The following ACO1 variants were observed in gnomAD, a reference collection of about 807,000 sequenced individuals.
ACO1 encodes aconitase 1.
In ACO1, 78 loss-of-function variants were observed where a neutral mutation model predicts 105.1. The ratio of observed to expected loss-of-function variants is 0.74; its 90% CI spans 0.62 to 0.90. ACO1 has a LOEUF of 0.90. Among genes scored for constraint, ACO1 ranks in the 40% least tolerant of loss-of-function variants. The probability of loss-of-function intolerance (pLI) is 0.00; values close to 1 mark genes in which losing one functional copy is unlikely to be tolerated. For synonymous variants in ACO1, 364 were observed against 397.4 expected (o/e 0.92, Z 1.00); for missense variants, 965 against 1,111.1 (o/e 0.87, Z 1.87).
chr9:32,416,800 C>T (rs1229844174), intron 4 of ACO1, among the ~76,000 whole-genome samples: 3 of 152,206 alleles, frequency 2.0e-5, no homozygotes, highest in African/African-American at 7.2e-5. Flanking sequence ...GCTCAGATAA[C>T]AGCACTGTGT....
At chr9:32,412,162 T>A (rs890012266) in intron 4 of ACO1, among the ~76,000 whole-genome samples, 1 of 152,234 alleles carries the variant, frequency 6.6e-6, no homozygotes, top group Non-Finnish European at 1.5e-5. Context: ...AATTACGGTA[T>A]ACCCCTGAAG....
At chr9:32,402,868 T>G (rs1160173584) in intron 1 of ACO1, among the ~76,000 whole-genome samples, 1 of 152,196 alleles carries the variant, frequency 6.6e-6, no homozygotes, top group Non-Finnish European at 1.5e-5. Context: ...ATGGAGGGCC[T>G]GTTTTCCAAA....
At chr9:32,430,600 A>C in intron 14 of ACO1, 26 bp downstream of exon 14, 1 of 1,569,722 alleles carries the variant, frequency 6.4e-7, no homozygotes, top group South Asian at 1.2e-5. Context: ...TGCAGCCATA[A>C]TTTTTTTCCA....
Position 32,418,180 on chromosome 9 carries a change from C to T in ACO1, c.457C>T (p.Arg153Ter), listed in dbSNP as rs142015075. The T allele has an allele frequency of 1.9e-6, 3 of 1,613,930 alleles. No homozygotes were observed. The highest frequency in any genetic ancestry group is 2.2e-5 in the East Asian group (1 of 44,894). Residue 153 changes from arginine to a stop codon, truncating the protein, a stop_gained, in exon 5 of 21, where the codon CGA becomes TGA. Transcript: ENST00000309951. LOFTEE classifies it high-confidence loss of function. ...QDLEFERNRE[R>*]FEFLKWGSQA... is the part of the protein sequence containing the mutation. ...CCTGGAATTTGAAAGAAATAGAGAGCGATTTGAATTTTTAAAGGTATGGGC... is the reference window on the plus strand; with the variant it reads ...CCTGGAATTTGAAAGAAATAGAGAGTGATTTGAATTTTTAAAGGTATGGGC...
Position 32,439,045 on chromosome 9 carries a change from C to T in ACO1, c.2248-1420C>T, listed in dbSNP as rs1306923077. 6.6e-6 allele frequency among the ~76,000 whole-genome samples: 1 copy of T among 152,198 alleles called. No homozygotes were observed. Among genetic ancestry groups the T allele is most frequent in the African/African-American group, 2.4e-5 (1 of 41,448 alleles). On this transcript the variant is annotated intron_variant, in intron 18 of 20. Coordinates refer to ENST00000309951, the MANE Select transcript of ACO1 (RefSeq NM_002197.3). This position sits in a 1 kb window ranked among gnomAD's most constrained non-coding sequence, Gnocchi z 4.0. ...CTGTTGCTTTCTAAGCTGTCAGTGGCTCTCAGCATGGCGTGTTTAATAGAA... is the reference window on the plus strand; with the variant it reads ...CTGTTGCTTTCTAAGCTGTCAGTGGTTCTCAGCATGGCGTGTTTAATAGAA...
At chr9:32,414,388 G>A (rs1243006219) in intron 4 of ACO1, among the ~76,000 whole-genome samples, 2 of 152,158 alleles carry the variant, frequency 1.3e-5, no homozygotes, top group Non-Finnish European at 2.9e-5. Flanking sequence ...GGGAAGTTCT[G>A]AGTGGTAGAA....
rs909598786 is a variant in ACO1, at chr9:32,452,393, A to ACC, written c.*2286_*2287dup. On this transcript the variant is annotated 3_prime_UTR_variant, in exon 21 of 21. Transcript: ENST00000309951. ...AAAAGAGACTCAAGATAAGATAGAG[A>ACC]CCCCCTCATTTCTTCTGCCATGGGA... 1 of 152,002 alleles carries ACC rather than the reference A, an allele frequency of 6.6e-6. No individual in the cohort carries two copies. Among genetic ancestry groups the ACC allele is most frequent in the South Asian group, 2.1e-4 (1 of 4,816 alleles). The allele number at this position is 152,002 out of a possible 1,614,324, so 9.4% of individuals were successfully genotyped here.
At chr9:32,399,150 T>C (rs1407587267) in intron 1 of ACO1, among the ~76,000 whole-genome samples, 2 of 152,142 alleles carry the variant, frequency 1.3e-5, no homozygotes, top group African/African-American at 4.8e-5. Flanking sequence ...CAAGACCAAG[T>C]AGAGGCCAAA....
In ACO1 at chr9:32,436,365, C is replaced by T. The variant is rs1377005005; in HGVS notation, c.2215C>T (p.Pro739Ser). 1 of 1,614,150 alleles carries T rather than the reference C, an allele frequency of 6.2e-7. No individual in the cohort carries two copies. The highest frequency in any genetic ancestry group is 1.1e-5 in the South Asian group (1 of 91,084). The change falls in exon 18 of 21, where the codon CCA becomes TCA. Residue 739 changes from proline to serine, a missense_variant. Coordinates refer to ENST00000309951, the MANE Select transcript of ACO1 (RefSeq NM_002197.3). ...AAACAGATTTTTGAACAAGCAGGCA[C>T]CACAGACTATCCATCTGCCTTCTGG... ...LLNRFLNKQA[P>S]QTIHLPSGEI...
In ACO1 at chr9:32,384,828, C is replaced by A. The variant is rs147375882; in HGVS notation, c.-23+93C>A. ...GTCGGTGCGGGCCTTTACCGAGGTGCCCGAGGCAGTGGCGGCACGGGGGAC... is the reference window on the plus strand; with the variant it reads ...GTCGGTGCGGGCCTTTACCGAGGTGACCGAGGCAGTGGCGGCACGGGGGAC... On this transcript the variant is annotated intron_variant, in intron 1 of 20. Transcript: ENST00000309951. 1,880 of 247,928 alleles carry A rather than the reference C, an allele frequency of 7.6e-3. 19 individuals carry two copies. The highest frequency in any genetic ancestry group is 0.011 in the Non-Finnish European group (1,219 of 114,874). 15.4% of individuals were successfully genotyped at this position (247,928 alleles called of 1,614,324 possible). A position where few individuals can be genotyped will look rare whatever the true frequency, so the allele number is the denominator to read the frequency against.
rs1554664991 is a variant in ACO1 at position 32,452,977 on chromosome 9, C to CCCA, written c.*2866_*2867insCCA. 35 of 91,910 alleles carry CCCA rather than the reference C, an allele frequency of 3.8e-4. 2 individuals are homozygous for CCCA. Among genetic ancestry groups the CCCA allele is most frequent in the Middle Eastern group, 6.3e-3 (1 of 160 alleles). The allele number at this position is 91,910 out of a possible 1,614,324, so 5.7% of individuals were successfully genotyped here. On this transcript the variant is annotated 3_prime_UTR_variant, in exon 21 of 21. Transcript: ENST00000309951. ...AATCAATCACCACCCCCCCCCCCCC[C>CCCA]AAAAAAAAAAGTATCTTGGCCAGTG...
At chr9:32,413,932 G>A (rs1821795835) in intron 4 of ACO1, among the ~76,000 whole-genome samples, 1 of 152,012 alleles carries the variant, frequency 6.6e-6, no homozygotes, top group Non-Finnish European at 1.5e-5. Context: ...GGGGGATCAT[G>A]AGGTCAGGAG....
intron 4 of ACO1, among the ~76,000 whole-genome samples, chr9:32,412,422 A>G (rs1281268148): frequency 6.6e-6 from 1 of 152,242 alleles, no homozygotes; most frequent in East Asian, 1.9e-4. Flanking sequence ...TCACTTAAGA[A>G]TATGAAACCA....
chr9:32,435,009 G>C (rs1175038757), intron 17 of ACO1, among the ~76,000 whole-genome samples: 2 of 152,166 alleles, frequency 1.3e-5, no homozygotes, highest in Non-Finnish European at 2.9e-5. Flanking sequence ...ACAAGGCTCT[G>C]CTCTTAACCT....
intron 10 of ACO1, among the ~76,000 whole-genome samples, chr9:32,425,077 TC>T (rs775215953): frequency 3.9e-5 from 6 of 152,236 alleles, no homozygotes; most frequent in Non-Finnish European, 7.3e-5. Context: ...TAGCAGAAAG[TC>T]CCCTTTCCCT....
chr9:32,412,868 G>A (rs1245870852), intron 4 of ACO1, among the ~76,000 whole-genome samples: 1 of 152,180 alleles, frequency 6.6e-6, no homozygotes, highest in Non-Finnish European at 1.5e-5. Flanking sequence ...CATTAATGTT[G>A]ATGGGTTTAC....
In ACO1 at chr9:32,409,089, T is replaced by C. The variant is rs577941189; in HGVS notation, c.404+438T>C. 5.9e-5 allele frequency among the ~76,000 whole-genome samples: 9 copies of C among 152,384 alleles called. No homozygotes were observed. In the East Asian group the frequency reaches 1.3e-3, roughly 23 times the overall value. ...CGTGGGTTTCCATAATGCCTATCCC[T>C]TTCTTTCCCTGTGTTTCTTCTTTTG... is the stretch of plus-strand genomic sequence containing the variant. On this transcript the variant is annotated intron_variant, in intron 4 of 20. Coordinates refer to ENST00000309951, the MANE Select transcript of ACO1 (RefSeq NM_002197.3).
In ACO1 at chr9:32,429,454, T is replaced by C. The variant is rs775950088; in HGVS notation, c.1520T>C (p.Ile507Thr). ...GTGGGCTATGGCTGCATGACCTGCA[T>C]TGGCAACAGTGGGCCTTTACCTGAA... ...DVVGYGCMTC[I>T]GNSGPLPEPV... Residue 507 changes from isoleucine to threonine, a missense_variant, in exon 13 of 21, where the codon ATT (isoleucine) becomes ACT (threonine). Ile to Thr is a moderately conservative substitution (Grantham distance 89). Transcript: ENST00000309951. 8.1e-6 allele frequency: 13 copies of C among 1,614,078 alleles called. No homozygotes were observed. The highest frequency in any genetic ancestry group is 1.7e-5 in the Admixed American group (1 of 59,998).
intron 19 of ACO1, among the ~76,000 whole-genome samples, chr9:32,442,649 T>C (rs1822508208): frequency 6.6e-6 from 1 of 152,244 alleles, no homozygotes. Context: ...TGGTATGTTC[T>C]GAAAGTTGCT....
Sources: gnomAD v4.1 joint callset for allele counts (sites outside exome capture counted in the v4.1 genomes callset) on GRCh38, gnomAD v4.1.1 for gene constraint, Gnocchi (gnomAD v3.1) non-coding constraint, MANE v1.5 for transcripts, NCBI Gene and HGNC (gene_info 2026-07-23, HGNC 2026-07-21) for gene names.